CADPS2: variants seen among roughly 807,000 people sequenced by gnomAD.
CADPS2 encodes calcium-dependent secretion activator 2.
Under a neutral mutation model 172.5 loss-of-function variants are expected in CADPS2, and 93 were observed. That is an observed-to-expected ratio of 0.54 (90% CI 0.46 to 0.64). The LOEUF (loss-of-function observed/expected upper bound fraction) is 0.64. Among genes scored for constraint, CADPS2 ranks in the 30% least tolerant of loss-of-function variants. The probability of loss-of-function intolerance (pLI) is 0.00; values close to 1 mark genes in which losing one functional copy is unlikely to be tolerated. For missense variants in CADPS2, 1,420 were observed against 1,565.9 expected, an observed-to-expected ratio of 0.91 and a Z score of 1.57; for synonymous variants, 546 against 555.2, an observed-to-expected ratio of 0.98 and a Z score of 0.23.
At chr7:122,345,500 T>C (rs568679701) in intron 28 of CADPS2, 74 bp downstream of exon 28, 120 of 877,482 alleles carry the variant, frequency 1.4e-4, no homozygotes, top group Non-Finnish European at 2.0e-4. Flanking sequence ...TTTGCAAACA[T>C]ACCATCAAAA....
chr7:122,372,593 G>C (rs1461759508), intron 25 of CADPS2, among the ~76,000 whole-genome samples: 1 of 152,180 alleles, frequency 6.6e-6, no homozygotes, highest in East Asian at 1.9e-4. Flanking sequence ...TTTTTATCCA[G>C]ATGTAGCAAA....
intron 8 of CADPS2, among the ~76,000 whole-genome samples, chr7:122,527,509 C>G (rs1049667520): frequency 5.3e-5 from 8 of 149,726 alleles, no homozygotes; most frequent in African/African-American, 2.0e-4. Context: ...TGCCCGAGTT[C>G]TGAACAAATT....
chr7:122,810,255 TA>T (rs1301145959), intron 1 of CADPS2, among the ~76,000 whole-genome samples: 3 of 152,130 alleles, frequency 2.0e-5, no homozygotes, highest in Admixed American at 2.0e-4. Context: ...AGTGGGAAGG[TA>T]AGTAAGGAGG....
intron 8 of CADPS2, among the ~76,000 whole-genome samples, chr7:122,543,872 T>C (rs2063350071): frequency 1.3e-5 from 2 of 152,084 alleles, no homozygotes; most frequent in Admixed American, 6.6e-5. Context: ...GAGACAATAA[T>C]ATAACTATAA....
intron 1 of CADPS2, among the ~76,000 whole-genome samples, chr7:122,779,250 C>T (rs935448051): frequency 6.6e-6 from 1 of 152,158 alleles, no homozygotes; most frequent in East Asian, 1.9e-4. Context: ...TCTCAGTGCA[C>T]ACAACAATAA....
chr7:122,639,806 T>C (rs1026014134), intron 3 of CADPS2, among the ~76,000 whole-genome samples: 1 of 152,168 alleles, frequency 6.6e-6, no homozygotes, highest in Non-Finnish European at 1.5e-5. Flanking sequence ...CTCATAAACA[T>C]TGGAGATTTT....
At chr7:122,349,649 A>G (rs1225702980) in intron 27 of CADPS2, among the ~76,000 whole-genome samples, 1 of 152,216 alleles carries the variant, frequency 6.6e-6, no homozygotes, top group Non-Finnish European at 1.5e-5. Context: ...ATAAGTAATC[A>G]AATACATCAG....
At chr7:122,423,845 C>T (rs1266791586) in intron 17 of CADPS2, among the ~76,000 whole-genome samples, 1 of 152,174 alleles carries the variant, frequency 6.6e-6, no homozygotes, top group Non-Finnish European at 1.5e-5. Context: ...AGGTGATGCT[C>T]ATGATGCTGG....
At chr7:122,690,897 C>A (rs1212138347) in intron 2 of CADPS2, among the ~76,000 whole-genome samples, 1 of 152,160 alleles carries the variant, frequency 6.6e-6, no homozygotes, top group Admixed American at 6.5e-5. Context: ...CCAGGCAGCA[C>A]AAGTATCTCG....
At chr7:122,607,018 G>A (rs936650510) in intron 6 of CADPS2, among the ~76,000 whole-genome samples, 2 of 150,784 alleles carry the variant, frequency 1.3e-5, no homozygotes. Flanking sequence ...AACGGCATTT[G>A]CTAACCAAGA....
intron 7 of CADPS2, among the ~76,000 whole-genome samples, chr7:122,577,062 G>A (rs993878429): frequency 6.6e-6 from 1 of 151,810 alleles, no homozygotes; most frequent in Non-Finnish European, 1.5e-5. Flanking sequence ...TACCTGGCCT[G>A]ATCTGGTGGT....
intron 14 of CADPS2, among the ~76,000 whole-genome samples, chr7:122,467,506 G>C (rs2055309337): frequency 6.6e-6 from 1 of 152,076 alleles, no homozygotes; most frequent in Admixed American, 6.6e-5. Flanking sequence ...ACAACTTTGT[G>C]ATATAATCTG....
intron 29 of CADPS2, among the ~76,000 whole-genome samples, chr7:122,320,719 C>T (rs1172431227): frequency 6.6e-6 from 1 of 151,940 alleles, no homozygotes; most frequent in Admixed American, 6.6e-5. Flanking sequence ...TCCTTTAATA[C>T]TGAAAAATAC....
chr7:122,531,911 A>G (rs2061788858), intron 8 of CADPS2, among the ~76,000 whole-genome samples: 1 of 151,930 alleles, frequency 6.6e-6, no homozygotes, highest in African/African-American at 2.4e-5. Flanking sequence ...GGTGCCTGTA[A>G]TCCCAGCTGC....
At chr7:122,768,604 CAAAAT>C (rs1288453034) in intron 1 of CADPS2, among the ~76,000 whole-genome samples, 1 of 151,918 alleles carries the variant, frequency 6.6e-6, no homozygotes, top group Non-Finnish European at 1.5e-5. Context: ...AAAAAGGAAT[CAAAAT>C]AAATGTTTTC....
At chr7:122,863,967 T>C (rs1305943345) in intron 1 of CADPS2, among the ~76,000 whole-genome samples, 3 of 151,744 alleles carry the variant, frequency 2.0e-5, no homozygotes, top group Non-Finnish European at 2.9e-5. Context: ...AAGGCAGAGG[T>C]TGCAGTGAGC....
intron 1 of CADPS2, among the ~76,000 whole-genome samples, chr7:122,774,123 T>C (rs960576318): frequency 6.6e-6 from 1 of 152,024 alleles, no homozygotes; most frequent in Admixed American, 6.6e-5. Flanking sequence ...TTCAATTACA[T>C]TTTCAATTTC....
At chr7:122,444,473 T>C (rs2051858621) in intron 15 of CADPS2, among the ~76,000 whole-genome samples, 1 of 152,196 alleles carries the variant, frequency 6.6e-6, no homozygotes, top group African/African-American at 2.4e-5. Context: ...ACACTTGTTA[T>C]GTTCAGTTTT....
At chr7:122,597,021 G>A (rs987608509) in intron 6 of CADPS2, among the ~76,000 whole-genome samples, 2 of 151,926 alleles carry the variant, frequency 1.3e-5, no homozygotes, top group African/African-American at 4.8e-5. Flanking sequence ...CAAGAGGGTG[G>A]GAGAGTGAAT....
Sources: allele counts gnomAD v4.1 joint callset (sites outside exome capture counted in the v4.1 genomes callset), GRCh38; gene constraint gnomAD v4.1.1; transcripts MANE v1.5; gene names NCBI Gene and HGNC (gene_info 2026-07-23, HGNC 2026-07-21).